The following AQP8 variants were observed in gnomAD, a reference collection of about 807,000 sequenced individuals.
The protein encoded by AQP8 is aquaporin-8.
A neutral mutation model predicts 26.1 loss-of-function variants in AQP8; 14 were observed. That is an observed-to-expected ratio of 0.54 (90% CI 0.35 to 0.84). The LOEUF (loss-of-function observed/expected upper bound fraction) is 0.84. AQP8 is among the 40% of genes least tolerant of loss of function. The pLI, the probability that AQP8 is intolerant of heterozygous loss-of-function variation, is 0.01. For missense variants in AQP8, 301 were observed against 340.5 expected, an observed-to-expected ratio of 0.88 and a Z score of 0.91; for synonymous variants, 131 against 150.7, an observed-to-expected ratio of 0.87 and a Z score of 0.96.
chr16:25,217,859 G>A (rs184498479), intron 2 of AQP8, among the ~76,000 whole-genome samples: 156 of 151,966 alleles, frequency 1.0e-3, no homozygotes, highest in African/African-American at 3.5e-3. Context: ...AAAGTTCCCC[G>A]CCTATAAAAT....
intron 3 of AQP8, among the ~76,000 whole-genome samples, chr16:25,223,323 T>C (rs1029158863): frequency 6.6e-6 from 1 of 152,272 alleles, no homozygotes; most frequent in Non-Finnish European, 1.5e-5. Context: ...TTCAGGGCTC[T>C]CCTGCACATG....
At chr16:25,224,678 C>T in intron 4 of AQP8, 102 bp downstream of exon 4, 6 of 1,232,868 alleles carry the variant, frequency 4.9e-6, no homozygotes, top group Non-Finnish European at 6.8e-6. Flanking sequence ...CTATTAGGGG[C>T]CAGGAAGGTG....
intron 1 of AQP8, 64 bp downstream of exon 1, chr16:25,217,121 CA>C: frequency 6.2e-7 from 1 of 1,613,598 alleles, no homozygotes; most frequent in South Asian, 1.1e-5. Flanking sequence ...TGAATTAATT[CA>C]AGGTTGGGGG....
At chr16:25,220,486 C>T (rs537781654) in intron 2 of AQP8, among the ~76,000 whole-genome samples, 1 of 152,258 alleles carries the variant, frequency 6.6e-6, no homozygotes, top group South Asian at 2.1e-4. Flanking sequence ...GCTCTTTACC[C>T]ATGAGCCAGG....
intron 2 of AQP8, 76 bp downstream of exon 2, chr16:25,217,521 A>T (rs1962504671): frequency 6.4e-7 from 1 of 1,560,394 alleles, no homozygotes; most frequent in African/African-American, 1.4e-5. Context: ...GTTGTCAAGG[A>T]CCCCTGGGCG....
At position 25,227,120 on chromosome 16, in the gene AQP8, G is replaced by T. The variant is rs1242171768; in HGVS notation, c.655G>T (p.Val219Leu). The T allele has an allele frequency of 3.1e-6, 5 of 1,614,160 alleles. No individual in the cohort carries two copies. The highest frequency in any genetic ancestry group is 1.1e-5 in the South Asian group (1 of 91,078). ...TCCCGCCCGTGCTTTTGGACCTGCG[G>T]TGGTGGCCAACCACTGGAACTTCCA... is the stretch of plus-strand genomic sequence containing the variant. Reference protein sequence around the residue: ...MNPARAFGPAVVANHWNFHWI... With the variant: ...MNPARAFGPALVANHWNFHWI... The change falls in exon 5 of 6, where the codon GTG becomes TTG. Residue 219 changes from valine (V) to leucine (L), a missense_variant. Val to Leu is a conservative substitution (Grantham distance 32). Transcript: ENST00000219660.
chr16:25,226,153 G>A (rs1962629961), intron 4 of AQP8, among the ~76,000 whole-genome samples: 1 of 152,206 alleles, frequency 6.6e-6, no homozygotes, highest in African/African-American at 2.4e-5. Context: ...GTACAGGCAT[G>A]CAATGCATAA....
chr16:25,224,405 C>T lies in AQP8; in HGVS notation c.431C>T (p.Ala144Val). ...AGGTTCTGGAATGCATCTGGGGCGG[C>T]CTTTGTGACAGTCCAGGAGCAGGGG... ...EERFWNASGA[A>V]FVTVQEQGQV... Residue 144 changes from alanine (A) to valine (V), a missense_variant, in exon 4 of 6, where the codon GCC becomes GTC. Physicochemically the swap from Ala to Val is moderately conservative, Grantham distance 64. Transcript: ENST00000219660. The T allele has an allele frequency of 6.2e-7, 1 of 1,614,068 alleles. No individual in the cohort carries two copies. The highest frequency in any genetic ancestry group is 8.5e-7 in the Non-Finnish European group (1 of 1,180,030).
chr16:25,225,531 C>A (rs972986409), intron 4 of AQP8, among the ~76,000 whole-genome samples: 11 of 151,410 alleles, frequency 7.3e-5, no homozygotes, highest in Non-Finnish European at 1.3e-4. Context: ...CTCAGCCTCA[C>A]GAGTATCTGG....
intron 4 of AQP8, among the ~76,000 whole-genome samples, chr16:25,225,887 C>T (rs868103443): frequency 1.3e-5 from 2 of 152,124 alleles, no homozygotes; most frequent in South Asian, 2.1e-4. Flanking sequence ...CTCATCTGGA[C>T]CAGCTAGATT....
intron 5 of AQP8, among the ~76,000 whole-genome samples, chr16:25,227,910 C>T (rs569601340): frequency 7.9e-5 from 12 of 151,988 alleles, no homozygotes; most frequent in South Asian, 2.1e-4. Context: ...CCACTGCACC[C>T]GGCTTCATTT....
intron 3 of AQP8, 83 bp from the exon 4 acceptor site, chr16:25,224,279 A>G (rs1441286754): frequency 1.2e-5 from 14 of 1,181,634 alleles, no homozygotes; most frequent in Admixed American, 2.5e-5. Context: ...TAAGGTGGGT[A>G]GCATGCGTTT....
chr16:25,224,629 T>C lies in AQP8; in HGVS notation c.602+53T>C. 5 of 1,554,884 alleles carry C rather than the reference T, an allele frequency of 3.2e-6. No homozygotes were observed. The South Asian group carries it at 4.5e-5, about 14-fold the overall frequency. ...CATGCCCAGATCTGTGCTGTTCAGC[T>C]CTGGGGGATTTCAGGCCTGAGGGTC... On this transcript the variant is annotated intron_variant, in intron 4 of 5. Transcript: ENST00000219660.
chr16:25,221,418 C>T, intron 2 of AQP8, 39 bp from the exon 3 acceptor site: 1 of 1,611,812 alleles, frequency 6.2e-7, no homozygotes, highest in South Asian at 1.1e-5. Context: ...ATGTGGTCAG[C>T]CCTGGGCTCA....
Position 25,217,305 on chromosome 16 carries a change from C to T in AQP8, c.120C>T (p.Val40=), listed in dbSNP as rs371151656. 9.9e-6 allele frequency: 16 copies of T among 1,614,020 alleles called. No individual in the cohort carries two copies. The highest frequency in any genetic ancestry group is 2.7e-5 in the African/African-American group (2 of 74,928). The stretch of plus-strand genomic sequence containing the variant: ...AACGGTTTGTGCAGCCATGTCTGGT[C>T]GAACTGCTGGGCTCTGCTCTCTTCA... ...WYERFVQPCL[V]ELLGSALFIF... Residue 40 remains valine, a synonymous_variant, in exon 2 of 6, where the codon GTC becomes GTT. Coordinates refer to ENST00000219660, the MANE Select transcript of AQP8 (RefSeq NM_001169.3).
chr16:25,224,321 C>A, intron 3 of AQP8, 41 bp from the exon 4 acceptor site: 1 of 1,568,682 alleles, frequency 6.4e-7, no homozygotes, highest in Non-Finnish European at 8.7e-7. Context: ...TTCCAGCTGT[C>A]TCTCTGCCCC....
intron 2 of AQP8, among the ~76,000 whole-genome samples, chr16:25,218,590 T>C (rs1962518452): frequency 6.6e-6 from 1 of 152,162 alleles, no homozygotes; most frequent in East Asian, 1.9e-4. Flanking sequence ...AGCTTTAACA[T>C]CTCTTTAGGC....
Position 25,228,601 on chromosome 16 carries a change from CG to C in AQP8, c.*110del. The C allele has an allele frequency of 8.5e-7, 1 of 1,181,988 alleles. No individual in the cohort carries two copies. Among genetic ancestry groups the C allele is most frequent in the Middle Eastern group, 2.5e-4 (1 of 4,034 alleles). The allele number at this position is 1,181,988 out of a possible 1,614,324, so 73.2% of individuals were successfully genotyped here. A position where few individuals can be genotyped will look rare whatever the true frequency, so the allele number is the denominator to read the frequency against. On this transcript the variant is annotated 3_prime_UTR_variant, in exon 6 of 6. Transcript: ENST00000219660. ...CTGCCAGGGCAGAGGCCCAGAGGAG[CG>C]ACCCCCTGCTTCCACTGCTTGGGCC... is the stretch of plus-strand genomic sequence containing the variant.
chr16:25,221,605 G>A (rs1962563726), intron 3 of AQP8, 22 bp downstream of exon 3: 1 of 1,613,608 alleles, frequency 6.2e-7, no homozygotes, highest in Non-Finnish European at 8.5e-7. Context: ...CCAGGGGCTG[G>A]GCTAGTCTTC....
Sources: gnomAD v4.1 joint callset for allele counts (sites outside exome capture counted in the v4.1 genomes callset) on GRCh38, gnomAD v4.1.1 for gene constraint, MANE v1.5 for transcripts, NCBI Gene and HGNC (gene_info 2026-07-23, HGNC 2026-07-21) for gene names.